Variants in NAA11 observed in about 807,000 individuals in gnomAD.
NAA11 encodes N-alpha-acetyltransferase 11.
In NAA11, 15 loss-of-function variants were observed where a neutral mutation model predicts 16.1. That is an observed-to-expected ratio of 0.93 (90% CI 0.62 to 1.44). The LOEUF (loss-of-function observed/expected upper bound fraction) is 1.44. Ranked by LOEUF, NAA11 falls within the 40% of genes most tolerant of loss-of-function variation. The pLI is 0.00. For synonymous variants in NAA11, 122 were observed against 112.4 expected (o/e 1.09, Z -0.54); for missense variants, 298 against 291.3 (o/e 1.02, Z -0.17).
At chr4:79,214,825 C>T in the NAA11 span, among the ~76,000 whole-genome samples, 1 of 151,900 alleles carries the variant, frequency 6.6e-6, no homozygotes, top group African/African-American at 2.4e-5. Flanking sequence ...AAATAAAAGT[C>T]CAACTTCAGT....
rs1020214820 is a variant in NAA11 at position 79,325,969 on chromosome 4, G to A, written c.-92C>T. 2.6e-6 allele frequency: 3 copies of A among 1,134,930 alleles called. No individual in the cohort carries two copies. The highest frequency in any genetic ancestry group is 3.8e-6 in the Non-Finnish European group (3 of 798,204). The allele number at this position is 1,134,930 out of a possible 1,614,324, so 70.3% of individuals were successfully genotyped here. ...GGGCACTGTTTGCCTCAGGAATCGA[G>A]TCCAGGGGGCTAACACCACCGGGCT... is the stretch of plus-strand genomic sequence containing the variant. On this transcript the variant is annotated 5_prime_UTR_variant, in exon 1 of 2. Coordinates refer to ENST00000286794, the MANE Select transcript of NAA11 (RefSeq NM_032693.3).
intron 2 of NAA11, among the ~76,000 whole-genome samples, chr4:79,256,135 G>C (rs72870819): frequency 0.11 from 16,694 of 151,952 alleles, 1,143 homozygotes; most frequent in African/African-American, 0.18. Context: ...CTTTCGATTT[G>C]TTTTTTATTT....
chr4:79,311,363 C>T (rs1036446414), intron 1 of NAA11, among the ~76,000 whole-genome samples: 5 of 152,108 alleles, frequency 3.3e-5, no homozygotes, highest in Non-Finnish European at 7.4e-5. Flanking sequence ...GGATCCAATA[C>T]AACTGTCATA....
At chr4:79,311,726 A>G (rs1723775537), downstream of NAA11, among the ~76,000 whole-genome samples, 1 of 152,208 alleles carries the variant, frequency 6.6e-6, no homozygotes, top group Non-Finnish European at 1.5e-5. Flanking sequence ...TGAGGCAATG[A>G]TGCTAATTAG....
intron 1 of NAA11, among the ~76,000 whole-genome samples, chr4:79,310,089 ACT>A (rs1723724995): frequency 6.6e-6 from 1 of 152,032 alleles, no homozygotes; most frequent in African/African-American, 2.4e-5. Context: ...TCTGTGAACC[ACT>A]CATTTTCATT....
chr4:79,293,410 C>T (rs985461489), intron 2 of NAA11, among the ~76,000 whole-genome samples: 3 of 152,112 alleles, frequency 2.0e-5, no homozygotes, highest in Admixed American at 2.0e-4. Flanking sequence ...ATAGTAATGG[C>T]AAAATCTTAG....
At chr4:79,196,841 C>A in the NAA11 span, among the ~76,000 whole-genome samples, 1 of 148,416 alleles carries the variant, frequency 6.7e-6, no homozygotes, top group East Asian at 2.0e-4. Flanking sequence ...AAGGGAGAAA[C>A]AGAAGAGTGT....
At chr4:79,273,726 G>A (rs1349583772) in intron 2 of NAA11, among the ~76,000 whole-genome samples, 1 of 152,028 alleles carries the variant, frequency 6.6e-6, no homozygotes, top group Non-Finnish European at 1.5e-5. Flanking sequence ...ATCACCTAAT[G>A]CAATTTGTGG....
the NAA11 span, among the ~76,000 whole-genome samples, chr4:79,193,099 A>G: frequency 6.6e-6 from 1 of 151,522 alleles, no homozygotes; most frequent in Non-Finnish European, 1.5e-5. Flanking sequence ...AATTTGTTTG[A>G]GTTCATTGTA....
At chr4:79,174,862 T>C in the NAA11 span, among the ~76,000 whole-genome samples, 12 of 152,222 alleles carry the variant, frequency 7.9e-5, no homozygotes, top group Non-Finnish European at 1.2e-4. Flanking sequence ...GCAAATAGTA[T>C]ACAAAAGGAA....
At chr4:79,166,508 T>C in the NAA11 span, among the ~76,000 whole-genome samples, 14,450 of 149,820 alleles carry the variant, frequency 0.096, 929 homozygotes, top group African/African-American at 0.17. Flanking sequence ...TGCACTACCA[T>C]ACCTGCCTAT....
the NAA11 span, among the ~76,000 whole-genome samples, chr4:79,162,032 G>T: frequency 6.6e-6 from 1 of 152,108 alleles, no homozygotes; most frequent in East Asian, 1.9e-4. Flanking sequence ...TTTTTAGTAT[G>T]CATGTGTTGC....
chr4:79,216,038 T>C, the NAA11 span, among the ~76,000 whole-genome samples: 25 of 152,304 alleles, frequency 1.6e-4, no homozygotes, highest in Non-Finnish European at 1.3e-4. Context: ...AGTACTCTGT[T>C]CTATTCTTTA....
intron 1 of NAA11, chr4:79,307,230 A>C (rs145395533): frequency 2.0e-5 from 3 of 152,358 alleles, no homozygotes; most frequent in Non-Finnish European, 4.4e-5. Flanking sequence ...TCTGCTCTGA[A>C]GGTAGTATCT....
the NAA11 span, among the ~76,000 whole-genome samples, chr4:79,194,466 G>T: frequency 1.6e-4 from 25 of 152,154 alleles, no homozygotes; most frequent in African/African-American, 6.0e-4. Context: ...GGGTCTTTAA[G>T]GATAATGGGA....
At chr4:79,282,747 C>T (rs536583719) in intron 2 of NAA11, among the ~76,000 whole-genome samples, 6 of 151,994 alleles carry the variant, frequency 3.9e-5, no homozygotes, top group Non-Finnish European at 8.8e-5. Context: ...ATCTAAAAGC[C>T]TATTTCAGGT....
At chr4:79,247,896 A>AG (rs949782934) in intron 2 of NAA11, among the ~76,000 whole-genome samples, 6 of 152,174 alleles carry the variant, frequency 3.9e-5, no homozygotes, top group African/African-American at 1.4e-4. Flanking sequence ...GAGAGGTGGT[A>AG]GGGGCAGAAC....
the NAA11 span, among the ~76,000 whole-genome samples, chr4:79,210,623 G>C: frequency 6.6e-6 from 1 of 152,086 alleles, no homozygotes; most frequent in African/African-American, 2.4e-5. Flanking sequence ...CCACCACCTA[G>C]ACTACTATCA....
Position 79,325,989 on chromosome 4 carries a change from C to G in NAA11, c.-112G>C, listed in dbSNP as rs1035457950. ...ATCGAGTCCAGGGGGCTAACACCAC[C>G]GGGCTGAATCGTGTGGAGGGCGGAT... is the stretch of plus-strand genomic sequence containing the variant. On this transcript the variant is annotated 5_prime_UTR_variant, in exon 1 of 2. Transcript: ENST00000286794. The G allele has an allele frequency of 2.3e-6, 2 of 867,340 alleles. No individual in the cohort carries two copies. The highest frequency in any genetic ancestry group is 3.4e-5 in the African/African-American group (2 of 58,558). The allele number at this position is 867,340 out of a possible 1,614,324, so 53.7% of individuals were successfully genotyped here.
Sources: allele counts gnomAD v4.1 joint callset (sites outside exome capture counted in the v4.1 genomes callset), GRCh38; gene constraint gnomAD v4.1.1; transcripts MANE v1.5; gene names NCBI Gene and HGNC (gene_info 2026-07-23, HGNC 2026-07-21).